The following MAML3 variants were observed in gnomAD, a reference collection of about 807,000 sequenced individuals.
MAML3 encodes the protein mastermind like transcriptional coactivator 3.
In MAML3, 27 loss-of-function variants were observed where a neutral mutation model predicts 101.9. That is an observed-to-expected ratio of 0.27 (90% CI 0.20 to 0.37). MAML3 has a LOEUF of 0.37. Ranked by LOEUF, MAML3 falls within the 10% of genes least tolerant of loss-of-function variation. MAML3 has a pLI of 1.00. For missense variants in MAML3, 1,316 were observed against 1,444.9 expected (o/e 0.91, Z 1.45); for synonymous variants, 501 against 555.9 (o/e 0.90, Z 1.39).
chr4:139,974,258 A>C (rs1734287741), intron 1 of MAML3, among the ~76,000 whole-genome samples: 2 of 151,622 alleles, frequency 1.3e-5, no homozygotes, highest in South Asian at 4.2e-4. Context: ...GGCGCCCACC[A>C]CCACGCCCAG....
chr4:140,030,297 A>C (rs982543209), intron 1 of MAML3, among the ~76,000 whole-genome samples: 13 of 152,200 alleles, frequency 8.5e-5, no homozygotes, highest in Non-Finnish European at 1.5e-5. Context: ...TTAAAATTAC[A>C]ACCACCTATT....
At chr4:139,948,590 C>G (rs1280664028) in intron 1 of MAML3, among the ~76,000 whole-genome samples, 3 of 152,188 alleles carry the variant, frequency 2.0e-5, no homozygotes, top group Non-Finnish European at 4.4e-5. Flanking sequence ...GAACCGAATT[C>G]CCTAAAGGAT....
At chr4:139,954,306 A>G (rs1733880792) in intron 1 of MAML3, among the ~76,000 whole-genome samples, 1 of 152,204 alleles carries the variant, frequency 6.6e-6, no homozygotes, top group Non-Finnish European at 1.5e-5. Flanking sequence ...TATAATTACT[A>G]TTGTTAGCTT....
intron 2 of MAML3, among the ~76,000 whole-genome samples, chr4:139,817,117 T>C (rs1280598363): frequency 6.6e-6 from 1 of 152,164 alleles, no homozygotes; most frequent in East Asian, 1.9e-4. Context: ...CACCATTAGC[T>C]TGGAAATCAA....
At chr4:139,955,883 C>G (rs921180858) in intron 1 of MAML3, among the ~76,000 whole-genome samples, 1 of 152,110 alleles carries the variant, frequency 6.6e-6, no homozygotes, top group Non-Finnish European at 1.5e-5. Flanking sequence ...GAGCTTCTGT[C>G]AGCCTGGGCC....
chr4:139,996,727 T>A (rs1734824995), intron 1 of MAML3, among the ~76,000 whole-genome samples: 2 of 151,682 alleles, frequency 1.3e-5, no homozygotes, highest in Non-Finnish European at 1.5e-5. Context: ...AGTCTGACAA[T>A]GTCTGCCTTT....
chr4:139,854,886 T>C (rs1018115332), intron 2 of MAML3, among the ~76,000 whole-genome samples: 1 of 152,218 alleles, frequency 6.6e-6, no homozygotes, highest in Non-Finnish European at 1.5e-5. Flanking sequence ...CCCAGCCTGG[T>C]TGTGGAATCT....
At chr4:140,044,221 T>C (rs1560875822) in intron 1 of MAML3, among the ~76,000 whole-genome samples, 1 of 152,064 alleles carries the variant, frequency 6.6e-6, no homozygotes, top group Non-Finnish European at 1.5e-5. Flanking sequence ...ATTGGAGATA[T>C]ATTGTCAAAA....
intron 2 of MAML3, among the ~76,000 whole-genome samples, chr4:139,837,980 G>T (rs1335932711): frequency 6.6e-6 from 1 of 151,856 alleles, no homozygotes; most frequent in African/African-American, 2.4e-5. Context: ...AAATCTTTTT[G>T]GCTGGGTAAA....
rs139169897 is a variant in MAML3 at position 139,908,900 on chromosome 4, A to G, written c.469-17933T>C. Among the ~76,000 whole-genome samples, 38 of 152,382 alleles carry G rather than the reference A, an allele frequency of 2.5e-4. 1 individual carries two copies. In the East Asian group the frequency reaches 6.7e-3, roughly 27 times the overall value. ...ACTGATTTCTTGCAGCTGTAACTTA[A>G]CAGAATATGTATACTCTAATACAGT... On this transcript the variant is annotated intron_variant, in intron 1 of 4. Coordinates refer to ENST00000509479, the MANE Select transcript of MAML3 (RefSeq NM_018717.5).
At chr4:139,791,878 T>C (rs980404905) in intron 2 of MAML3, among the ~76,000 whole-genome samples, 5 of 152,198 alleles carry the variant, frequency 3.3e-5, no homozygotes, top group Admixed American at 6.5e-5. Context: ...GCATTGTTAT[T>C]ATAGATGAAT....
intron 1 of MAML3, among the ~76,000 whole-genome samples, chr4:140,145,864 TTTTTTTC>T (rs1236414284): frequency 9.8e-5 from 6 of 61,018 alleles, no homozygotes; most frequent in Non-Finnish European, 1.7e-4. Context: ...CGCCTGGCCT[TTTTTTTC>T]TTTTTTCTTT....
intron 1 of MAML3, among the ~76,000 whole-genome samples, chr4:140,138,688 G>A (rs1728936261): frequency 6.6e-6 from 1 of 152,158 alleles, no homozygotes; most frequent in Non-Finnish European, 1.5e-5. Context: ...GGAAACGATG[G>A]ACTGAAGTCC....
intron 1 of MAML3, among the ~76,000 whole-genome samples, chr4:139,942,722 G>A (rs1733631355): frequency 6.6e-6 from 1 of 151,196 alleles, no homozygotes; most frequent in Non-Finnish European, 1.5e-5. Flanking sequence ...TCTATGATTA[G>A]GTATATTTCT....
intron 2 of MAML3, among the ~76,000 whole-genome samples, chr4:139,854,712 C>T (rs1731623585): frequency 6.6e-6 from 1 of 152,184 alleles, no homozygotes; most frequent in Non-Finnish European, 1.5e-5. Flanking sequence ...GGCAGTCTCA[C>T]TCCGTGCCCA....
chr4:140,005,663 G>A (rs1421498312), intron 1 of MAML3, among the ~76,000 whole-genome samples: 3 of 152,162 alleles, frequency 2.0e-5, no homozygotes, highest in Non-Finnish European at 4.4e-5. Flanking sequence ...CCCAAAAGAA[G>A]ATTAGAAAGA....
rs185012121 is a variant in MAML3, at chr4:139,948,163, A to C, written c.469-57196T>G. Among the ~76,000 whole-genome samples, 29 of 151,748 alleles carry C rather than the reference A, an allele frequency of 1.9e-4. 1 individual carries two copies. In the East Asian group the frequency reaches 5.6e-3, roughly 29 times the overall value. On this transcript the variant is annotated intron_variant, in intron 1 of 4. Transcript: ENST00000509479. The stretch of plus-strand genomic sequence containing the variant: ...AATAAAAACTACCACTCTACACTAA[A>C]AAGTCAAACGTGGAAATATACAAAA...
chr4:139,796,843 A>AGAATGAAT (rs139162663), intron 2 of MAML3, among the ~76,000 whole-genome samples: 3 of 152,188 alleles, frequency 2.0e-5, no homozygotes, highest in Non-Finnish European at 2.9e-5. Context: ...GAATACAGCA[A>AGAATGAAT]GAATGAATGA....
chr4:140,101,079 A>T (rs149017330), intron 1 of MAML3, among the ~76,000 whole-genome samples: 6 of 152,330 alleles, frequency 3.9e-5, no homozygotes, highest in Non-Finnish European at 8.8e-5. Flanking sequence ...TGGATCCTCC[A>T]GATCAGAGCA....
Sources: gnomAD v4.1 joint callset for allele counts (sites outside exome capture counted in the v4.1 genomes callset) on GRCh38, gnomAD v4.1.1 for gene constraint, MANE v1.5 for transcripts, NCBI Gene and HGNC (gene_info 2026-07-23, HGNC 2026-07-21) for gene names.